Variants in FAM118B observed in about 807,000 individuals in gnomAD.
FAM118B encodes the protein protein FAM118B.
In FAM118B, 24 loss-of-function variants were observed where a neutral mutation model predicts 38.5. The observed-to-expected ratio is 0.62, with a 90% CI of 0.45 to 0.88. The LOEUF (loss-of-function observed/expected upper bound fraction) is 0.88, where lower values mean the gene tolerates loss of function less well. FAM118B is among the 40% of genes least tolerant of loss of function. FAM118B has a pLI of 0.00. For synonymous variants in FAM118B, 138 were observed against 156.3 expected, an observed-to-expected ratio of 0.88 and a Z score of 0.87; for missense variants, 334 against 420.0, an observed-to-expected ratio of 0.80 and a Z score of 1.79.
intron 1 of FAM118B, among the ~76,000 whole-genome samples, chr11:126,218,146 G>T (rs1950005061): frequency 6.6e-6 from 1 of 152,122 alleles, no homozygotes; most frequent in East Asian, 1.9e-4. Flanking sequence ...ATTTTTCTTT[G>T]ATACCTTTTT....
At position 126,220,814 on chromosome 11, in the gene FAM118B, C is replaced by CT. The variant is rs370973813; in HGVS notation, c.-76-8400dup. ...TGATGGCTTCTGTGACAAATAATGC[C>CT]TTTTTTTTTTTAAGAGCTTTCAGAT... On this transcript the variant is annotated intron_variant, in intron 1 of 8. Coordinates refer to ENST00000533050, the MANE Select transcript of FAM118B (RefSeq NM_024556.4). Among the ~76,000 whole-genome samples the CT allele has an allele frequency of 7.0e-4, 103 of 146,884 alleles. 1 individual carries two copies. The highest frequency in any genetic ancestry group is 3.5e-3 in the Middle Eastern group (1 of 288).
At chr11:126,227,800 T>C (rs1296788995) in intron 1 of FAM118B, among the ~76,000 whole-genome samples, 1 of 152,060 alleles carries the variant, frequency 6.6e-6, no homozygotes, top group Non-Finnish European at 1.5e-5. Context: ...TTTTCAAAAT[T>C]TGTTATTTAT....
chr11:126,241,796 C>T (rs1226977481), intron 4 of FAM118B, among the ~76,000 whole-genome samples: 1 of 152,078 alleles, frequency 6.6e-6, no homozygotes, highest in Non-Finnish European at 1.5e-5. Flanking sequence ...GTGATCTGCC[C>T]ACCTCAGCCT....
At chr11:126,236,917 C>CTT (rs34983028) in intron 3 of FAM118B, among the ~76,000 whole-genome samples, 19 of 68,384 alleles carry the variant, frequency 2.8e-4, no homozygotes, top group African/African-American at 3.8e-4. Context: ...TTCACAGATG[C>CTT]TTTTTTTTTT....
At chr11:126,238,482 T>G (rs528709778) in intron 3 of FAM118B, among the ~76,000 whole-genome samples, 1 of 152,326 alleles carries the variant, frequency 6.6e-6, no homozygotes, top group African/African-American at 2.4e-5. Flanking sequence ...CCTCATTTCC[T>G]AACTGGATGG....
intron 5 of FAM118B, 26 bp from the exon 6 acceptor site, chr11:126,254,279 G>C (rs773537042): frequency 9.3e-6 from 15 of 1,609,554 alleles, no homozygotes; most frequent in Non-Finnish European, 1.3e-5. Flanking sequence ...CTGCCAAGCT[G>C]GTTGGGCTAT....
intron 1 of FAM118B, among the ~76,000 whole-genome samples, chr11:126,220,447 A>G (rs905004170): frequency 6.6e-6 from 1 of 151,626 alleles, no homozygotes. Flanking sequence ...TTGGTGGCCC[A>G]TGCCTGTAAT....
chr11:126,249,634 G>A (rs1396910551), intron 4 of FAM118B, among the ~76,000 whole-genome samples: 1 of 151,330 alleles, frequency 6.6e-6, no homozygotes, highest in East Asian at 1.9e-4. Flanking sequence ...GGGAAGCTGA[G>A]GCAGGAGAAT....
intron 4 of FAM118B, among the ~76,000 whole-genome samples, chr11:126,247,487 A>T (rs888019408): frequency 6.6e-6 from 1 of 152,152 alleles, no homozygotes; most frequent in Non-Finnish European, 1.5e-5. Context: ...GCAAGAAAAT[A>T]TGTTCCACAC....
intron 2 of FAM118B, among the ~76,000 whole-genome samples, chr11:126,232,561 T>G (rs774067706): frequency 2.8e-4 from 43 of 151,978 alleles, no homozygotes; most frequent in Non-Finnish European, 4.0e-4. Flanking sequence ...TCTCTCAATA[T>G]AGTGTTTTTA....
chr11:126,232,680 AG>A (rs1339450677), intron 2 of FAM118B, among the ~76,000 whole-genome samples: 2 of 151,682 alleles, frequency 1.3e-5, no homozygotes, highest in Non-Finnish European at 2.9e-5. Context: ...TATTTTTTTA[AG>A]TTTTTTAAAG....
intron 8 of FAM118B, 31 bp downstream of exon 8, chr11:126,261,515 C>G (rs1591534055): frequency 6.4e-7 from 1 of 1,569,182 alleles, no homozygotes; most frequent in South Asian, 1.1e-5. Context: ...CTATTTATCA[C>G]TCTGTAGCAG....
rs1488107174 is a variant in FAM118B at position 126,249,177 on chromosome 11, C to A, written c.340-1329C>A. 3.9e-5 allele frequency among the ~76,000 whole-genome samples: 6 copies of A among 152,014 alleles called. No individual in the cohort carries two copies. The East Asian group carries it at 1.2e-3, about 29-fold the overall frequency. ...CACTTGAGATCCCAGGAATTCAAGA[C>A]CTACCTGGACAACATAGCCAGACCT... On this transcript the variant is annotated intron_variant, in intron 4 of 8. Transcript: ENST00000533050.
intron 1 of FAM118B, among the ~76,000 whole-genome samples, chr11:126,212,370 A>G (rs1290663012): frequency 1.3e-5 from 2 of 152,162 alleles, no homozygotes; most frequent in Non-Finnish European, 2.9e-5. Context: ...GAAAGAACGG[A>G]GCACAGACCT....
intron 1 of FAM118B, among the ~76,000 whole-genome samples, chr11:126,215,780 G>T (rs571877084): frequency 1.3e-5 from 2 of 151,240 alleles, no homozygotes; most frequent in South Asian, 2.1e-4. Flanking sequence ...GAGGCCTAGC[G>T]GGGAGGATCT....
intron 1 of FAM118B, among the ~76,000 whole-genome samples, chr11:126,224,475 CAAAAAAAAAAAAAAAA>C (rs58005174): frequency 1.1e-3 from 101 of 93,216 alleles, no homozygotes; most frequent in Non-Finnish European, 1.7e-3. Flanking sequence ...GACCCTGTCT[CAAAAAAAAAAAAAAAA>C]AAAAAAAAAA....
intron 6 of FAM118B, 80 bp downstream of exon 6, chr11:126,254,513 A>G: frequency 1.9e-6 from 3 of 1,556,080 alleles, no homozygotes; most frequent in Non-Finnish European, 2.6e-6. Context: ...CTTAAAGGGG[A>G]ACATCTTCTT....
intron 4 of FAM118B, among the ~76,000 whole-genome samples, chr11:126,242,024 C>CAAA (rs60865966): frequency 5.7e-5 from 5 of 88,410 alleles, no homozygotes; most frequent in African/African-American, 2.2e-4. Context: ...GACTCCGTCT[C>CAAA]AAAAAAAAAA....
chr11:126,241,702 A>G (rs1950360503), intron 4 of FAM118B, among the ~76,000 whole-genome samples: 2 of 152,054 alleles, frequency 1.3e-5, no homozygotes, highest in Admixed American at 1.3e-4. Context: ...GGCATGTGCC[A>G]CCATGCCCAG....
Sources: allele counts gnomAD v4.1 joint callset (sites outside exome capture counted in the v4.1 genomes callset), GRCh38; gene constraint gnomAD v4.1.1; transcripts MANE v1.5; gene names NCBI Gene and HGNC (gene_info 2026-07-23, HGNC 2026-07-21).